The following SRRT variants were observed in gnomAD, a reference collection of about 807,000 sequenced individuals.
SRRT encodes the protein serrate RNA effector molecule homolog.
In SRRT, 32 loss-of-function variants were observed where a neutral mutation model predicts 103.2. The observed-to-expected ratio is 0.31, with a 90% CI of 0.23 to 0.42. The LOEUF (loss-of-function observed/expected upper bound fraction) is 0.42, where lower values mean the gene tolerates loss of function less well. Ranked by LOEUF, SRRT falls within the 10% of genes least tolerant of loss-of-function variation. The pLI, the probability that SRRT is intolerant of heterozygous loss-of-function variation, is 1.00. For missense variants in SRRT, 986 were observed against 1,207.5 expected (o/e 0.82, Z 2.72); for synonymous variants, 525 against 449.0 (o/e 1.17, Z -2.14).
intron 1 of SRRT, 26 bp downstream of exon 1, chr7:100,875,354 G>A (rs535340918): frequency 1.6e-6 from 2 of 1,279,518 alleles, no homozygotes; most frequent in Non-Finnish European, 1.0e-6. Context: ...AGCCTGGGGG[G>A]CCCCGCTGGG....
At position 100,882,016 on chromosome 7, in the gene SRRT, C is replaced by G. The variant is rs1789622397; in HGVS notation, c.399-37C>G. 1 of 1,591,482 alleles carries G rather than the reference C, an allele frequency of 6.3e-7. No individual in the cohort carries two copies. Among genetic ancestry groups the G allele is most frequent in the South Asian group, 1.1e-5 (1 of 88,678 alleles). ...GGCCCCTGTAGCCTCCCACCGTTCC[C>G]CAAAAACCAAGCCTTCCTGACCGGG... is the stretch of plus-strand genomic sequence containing the variant. On this transcript the variant is annotated intron_variant, in intron 4 of 19. Transcript: ENST00000611405. This position sits in a 1 kb window ranked among gnomAD's most constrained non-coding sequence, Gnocchi z 4.2.
chr7:100,877,188 C>T lies in SRRT; in HGVS notation c.122+1476C>T, dbSNP rs141877549. Among the ~76,000 whole-genome samples the T allele has an allele frequency of 5.3e-5, 8 of 151,254 alleles. No individual in the cohort carries two copies. The East Asian group carries it at 1.4e-3, about 26-fold the overall frequency. On this transcript the variant is annotated intron_variant, in intron 2 of 19. Coordinates refer to ENST00000611405, the MANE Select transcript of SRRT (RefSeq NM_015908.6). The stretch of plus-strand genomic sequence containing the variant: ...CTGAAATCCCAGCACTTTGGGAGGC[C>T]GAGACGGGCAGATCACGAGATCGAG...
chr7:100,884,900 C>CAA (rs1789937718), intron 8 of SRRT, 23 bp from the exon 9 acceptor site: 1 of 1,613,842 alleles, frequency 6.2e-7, no homozygotes, highest in African/African-American at 1.3e-5. Context: ...GCTGACTTGT[C>CAA]CCCTCTGCTG....
Position 100,884,063 on chromosome 7 carries a change from T to C in SRRT, c.588-7T>C, listed in dbSNP as rs1789832838. ...TTTTGTCTTTCCCTCCCCCGCTTCG[T>C]TCCCAGGTTTCGGTCTAAGTACCAC... On this transcript the variant is annotated splice_polypyrimidine_tract_variant and splice_region_variant and intron_variant, in intron 5 of 19. Coordinates refer to ENST00000611405, the MANE Select transcript of SRRT (RefSeq NM_015908.6). 1.3e-6 allele frequency: 2 copies of C among 1,571,036 alleles called. No homozygotes were observed. The highest frequency in any genetic ancestry group is 1.7e-6 in the Non-Finnish European group (2 of 1,163,418).
In SRRT at chr7:100,884,393, G is replaced by A. The variant is rs749835079; in HGVS notation, c.783G>A (p.Thr261=). 16 of 1,613,652 alleles carry A rather than the reference G, an allele frequency of 9.9e-6. No homozygotes were observed. Among genetic ancestry groups the A allele is most frequent in the Non-Finnish European group, 1.4e-5 (16 of 1,179,868 alleles). Residue 261 remains threonine, a synonymous_variant, in exon 7 of 20, where the codon ACG becomes ACA. Coordinates refer to ENST00000611405, the MANE Select transcript of SRRT (RefSeq NM_015908.6). ...CCGTGATTAAGATGGAAGGAGGCAC[G>A]GAGAATGATCTTCGCATCCTGGAGC... The part of the protein sequence containing the change: ...DAAVIKMEGG[T]ENDLRILEQE...
intron 4 of SRRT, 70 bp from the exon 5 acceptor site, chr7:100,881,983 G>A: frequency 6.5e-7 from 1 of 1,540,512 alleles, no homozygotes; most frequent in Non-Finnish European, 8.7e-7. Context: ...AGGGGCCCCA[G>A]CTACTTTGGC....
chr7:100,885,087 G>A lies in SRRT; in HGVS notation c.1159+47G>A. The A allele has an allele frequency of 6.2e-7, 1 of 1,611,176 alleles. No individual in the cohort carries two copies. The highest frequency in any genetic ancestry group is 8.5e-7 in the Non-Finnish European group (1 of 1,178,384). On this transcript the variant is annotated intron_variant, in intron 9 of 19. Coordinates refer to ENST00000611405, the MANE Select transcript of SRRT (RefSeq NM_015908.6). The surrounding 1 kb of genome is among the most constrained non-coding windows in gnomAD (Gnocchi z 4.8). ...AAAGTGCGTTCTCCTAATGCGGGTG[G>A]GGAGGTGAGAGGTTGGCGACATTGA...
intron 2 of SRRT, 27 bp downstream of exon 2, chr7:100,875,739 C>T (rs201417902): frequency 5.0e-6 from 8 of 1,611,946 alleles, no homozygotes; most frequent in Admixed American, 3.3e-5. Flanking sequence ...TTCATCTTGT[C>T]CCCGTTTCAT....
intron 5 of SRRT, 67 bp from the exon 6 acceptor site, chr7:100,884,003 C>G: frequency 6.6e-7 from 1 of 1,506,606 alleles, no homozygotes; most frequent in South Asian, 1.3e-5. Context: ...TTCCTGGGCC[C>G]CTTCCCACAT....
chr7:100,877,049 C>T (rs527785004), intron 2 of SRRT, among the ~76,000 whole-genome samples: 116 of 152,178 alleles, frequency 7.6e-4, no homozygotes, highest in African/African-American at 2.7e-3. Context: ...ATTGCCATTT[C>T]CACTGTTGGT....
Position 100,884,151 on chromosome 7 carries a change from C to T in SRRT, c.669C>T (p.Val223=). ...GGGCCCTGCAAAACCGACTGAGGGT[C>T]TTCCTGTCCCTCATGGAGACTGGCT... ...ARGALQNRLR[V]FLSLMETGWF... Residue 223 remains valine (V), a synonymous_variant, in exon 6 of 20, where the codon GTC becomes GTT. Transcript: ENST00000611405. 1 of 1,613,996 alleles carries T rather than the reference C, an allele frequency of 6.2e-7. No individual in the cohort carries two copies. Among genetic ancestry groups the T allele is most frequent in the Non-Finnish European group, 8.5e-7 (1 of 1,179,960 alleles).
At position 100,884,976 on chromosome 7, in the gene SRRT, C is replaced by A. The variant is rs200146086; in HGVS notation, c.1095C>A (p.Gly365=). 6.2e-7 allele frequency: 1 copy of A among 1,613,864 alleles called. No individual in the cohort carries two copies. The highest frequency in any genetic ancestry group is 1.3e-5 in the African/African-American group (1 of 74,844). The change falls in exon 9 of 20, where the codon GGC becomes GGA. Residue 365 remains glycine (G), a synonymous_variant. Transcript: ENST00000611405. ...KHSGDDSFDE[G]SVSESESESE... is the part of the protein sequence containing the mutation. Reference sequence around the variant, plus strand: ...GTGGTGACGACAGCTTTGACGAGGGCAGCGTGTCAGAGTCTGAGTCGGAGT... The same window carrying A: ...GTGGTGACGACAGCTTTGACGAGGGAAGCGTGTCAGAGTCTGAGTCGGAGT...
At chr7:100,879,769 G>C (rs1014527590) in intron 2 of SRRT, among the ~76,000 whole-genome samples, 4 of 150,320 alleles carry the variant, frequency 2.7e-5, no homozygotes, top group Non-Finnish European at 4.4e-5. Context: ...GAGTGATTGT[G>C]CTGCTGCACT....
At chr7:100,877,811 G>T (rs1815893032) in intron 2 of SRRT, among the ~76,000 whole-genome samples, 1 of 152,108 alleles carries the variant, frequency 6.6e-6, no homozygotes. Flanking sequence ...CGCGTTAGTT[G>T]TCTTGAGCAA....
rs1380498920 is a variant in SRRT at position 100,888,244 on chromosome 7, A to G, written c.2429-13A>G. The G allele has an allele frequency of 9.3e-6, 15 of 1,605,226 alleles. No homozygotes were observed. The highest frequency in any genetic ancestry group is 1.2e-5 in the Non-Finnish European group (14 of 1,174,026). ...GACATAGTTTTGCAACTCAACACTGATCTCTGTCATAGCTGGTGCTGTCCG... is the reference window on the plus strand; with the variant it reads ...GACATAGTTTTGCAACTCAACACTGGTCTCTGTCATAGCTGGTGCTGTCCG... On this transcript the variant is annotated splice_polypyrimidine_tract_variant and intron_variant, in intron 18 of 19. Transcript: ENST00000611405.
At chr7:100,883,243 TC>T (rs1267271162) in intron 5 of SRRT, among the ~76,000 whole-genome samples, 1 of 152,250 alleles carries the variant, frequency 6.6e-6, no homozygotes, top group Non-Finnish European at 1.5e-5. Flanking sequence ...CTGTTCTTGC[TC>T]CCTGCCTAAC....
At chr7:100,888,416 G>A (rs377417829) in intron 19 of SRRT, 33 bp downstream of exon 19, 193 of 1,612,446 alleles carry the variant, frequency 1.2e-4, no homozygotes, top group Non-Finnish European at 1.6e-4. Context: ...CTTTGTTGCC[G>A]CCTGCAGACT....
intron 2 of SRRT, 50 bp downstream of exon 2, chr7:100,875,762 C>A (rs1180627566): frequency 1.2e-5 from 19 of 1,604,960 alleles, no homozygotes; most frequent in Non-Finnish European, 1.6e-5. Flanking sequence ...CGTTTCACTC[C>A]ACCCGCGTCG....
chr7:100,879,551 A>G (rs1385374553), intron 2 of SRRT, among the ~76,000 whole-genome samples: 1 of 152,240 alleles, frequency 6.6e-6, no homozygotes, highest in Non-Finnish European at 1.5e-5. Flanking sequence ...GATTTTTCAT[A>G]AAAACATGTA....
Sources: gnomAD v4.1 joint callset for allele counts (sites outside exome capture counted in the v4.1 genomes callset) on GRCh38, gnomAD v4.1.1 for gene constraint, Gnocchi (gnomAD v3.1) non-coding constraint, MANE v1.5 for transcripts, NCBI Gene and HGNC (gene_info 2026-07-23, HGNC 2026-07-21) for gene names.